Variants in GTF2A2 observed in about 807,000 individuals in gnomAD.
GTF2A2 encodes the protein general transcription factor IIA subunit 2.
In GTF2A2, 9 loss-of-function variants were observed where a neutral mutation model predicts 14.3. That is an observed-to-expected ratio of 0.63 (90% CI 0.38 to 1.10). The LOEUF is 1.10. Ranked by LOEUF, GTF2A2 falls within the 50% of genes least tolerant of loss-of-function variation. The pLI, the probability that GTF2A2 is intolerant of heterozygous loss-of-function variation, is 0.01. For synonymous variants in GTF2A2, 56 were observed against 46.0 expected, an observed-to-expected ratio of 1.22 and a Z score of -0.88; for missense variants, 90 against 124.6, an observed-to-expected ratio of 0.72 and a Z score of 1.32.
intron 1 of GTF2A2, among the ~76,000 whole-genome samples, chr15:59,655,389 G>T (rs529555891): frequency 6.6e-6 from 1 of 152,258 alleles, no homozygotes; most frequent in South Asian, 2.1e-4. Context: ...AAACAGGTTG[G>T]TGAAGGTCAT....
chr15:59,638,974 A>G lies in GTF2A2; in HGVS notation c.*158T>C. On this transcript the variant is annotated 3_prime_UTR_variant, in exon 5 of 5. Coordinates refer to ENST00000396060, the MANE Select transcript of GTF2A2 (RefSeq NM_004492.3). ...TGCTGTATAATAAAGGTGATGTAAGAGGCTACAGAGTTACAAGTTTCTTTC... is the reference window on the plus strand; with the variant it reads ...TGCTGTATAATAAAGGTGATGTAAGGGGCTACAGAGTTACAAGTTTCTTTC... 2 of 613,666 alleles carry G rather than the reference A, an allele frequency of 3.3e-6. No homozygotes were observed. Among genetic ancestry groups the G allele is most frequent in the Non-Finnish European group, 5.9e-6 (2 of 336,360 alleles). The allele number at this position is 613,666 out of a possible 1,614,324, so 38.0% of individuals were successfully genotyped here. A position where few individuals can be genotyped will look rare whatever the true frequency, so the allele number is the denominator to read the frequency against.
At chr15:59,656,595 A>G (rs1891950047) in intron 1 of GTF2A2, among the ~76,000 whole-genome samples, 2 of 152,312 alleles carry the variant, frequency 1.3e-5, no homozygotes, top group Middle Eastern at 3.4e-3. Flanking sequence ...CCAAAAAAAA[A>G]TCTGTTCAGT....
intron 3 of GTF2A2, among the ~76,000 whole-genome samples, chr15:59,644,922 A>G (rs1891552437): frequency 2.0e-5 from 3 of 152,202 alleles, no homozygotes; most frequent in Admixed American, 2.0e-4. Context: ...GTGATGACAT[A>G]ATGGGTTAGA....
chr15:59,651,326 T>G (rs1448419169), intron 2 of GTF2A2: 1 of 152,538 alleles, frequency 6.6e-6, no homozygotes, highest in African/African-American at 2.4e-5. Context: ...TACAGATGTG[T>G]GCCACCACAC....
At chr15:59,643,223 G>T (rs1415076209) in intron 3 of GTF2A2, among the ~76,000 whole-genome samples, 1 of 151,712 alleles carries the variant, frequency 6.6e-6, no homozygotes, top group Non-Finnish European at 1.5e-5. Flanking sequence ...GGGATTGCAG[G>T]TGTATGCCAC....
At position 59,638,883 on chromosome 15, in the gene GTF2A2, G is replaced by GT; in HGVS notation, c.*248dup. 2.5e-6 allele frequency: 1 copy of GT among 402,188 alleles called. No homozygotes were observed. Among genetic ancestry groups the GT allele is most frequent in the South Asian group, 3.4e-5 (1 of 29,338 alleles). The allele number at this position is 402,188 out of a possible 1,614,324, so 24.9% of individuals were successfully genotyped here. On this transcript the variant is annotated 3_prime_UTR_variant, in exon 5 of 5. Coordinates refer to ENST00000396060, the MANE Select transcript of GTF2A2 (RefSeq NM_004492.3). Reference sequence around the variant, plus strand: ...GTTATTACTCAGAGTTTTAAAATGAGTTTATTAAAGAAGGTTCTTAGGAAG... The same window carrying GT: ...GTTATTACTCAGAGTTTTAAAATGAGTTTTATTAAAGAAGGTTCTTAGGAAG...
intron 4 of GTF2A2, among the ~76,000 whole-genome samples, chr15:59,639,883 T>G (rs1346783466): frequency 2.0e-5 from 3 of 152,114 alleles, no homozygotes; most frequent in Non-Finnish European, 4.4e-5. Flanking sequence ...CCGCAGCAGC[T>G]GGGATTACAG....
intron 3 of GTF2A2, among the ~76,000 whole-genome samples, chr15:59,643,607 T>C (rs1712180953): frequency 6.7e-6 from 1 of 149,812 alleles, no homozygotes; most frequent in Non-Finnish European, 1.5e-5. Context: ...TTTTTTTTTT[T>C]TTTTTTTGGA....
At chr15:59,645,074 C>T (rs1370961322) in intron 3 of GTF2A2, among the ~76,000 whole-genome samples, 1 of 152,002 alleles carries the variant, frequency 6.6e-6, no homozygotes, top group Non-Finnish European at 1.5e-5. Flanking sequence ...TAAAGTAGGA[C>T]CGGTAGGAAT....
At chr15:59,644,259 T>TGA (rs1233409071) in intron 3 of GTF2A2, 1 of 152,144 alleles carries the variant, frequency 6.6e-6, no homozygotes, top group Non-Finnish European at 1.5e-5. Flanking sequence ...AATTAAAACC[T>TGA]GAGATATACA....
chr15:59,657,144 G>A (rs1250095344), intron 1 of GTF2A2: 1 of 152,212 alleles, frequency 6.6e-6, no homozygotes, highest in Non-Finnish European at 1.5e-5. Flanking sequence ...ATACGGTGGT[G>A]GGCTGAAGAC....
At chr15:59,654,402 A>C (rs10152415) in intron 1 of GTF2A2, among the ~76,000 whole-genome samples, 1 of 152,020 alleles carries the variant, frequency 6.6e-6, no homozygotes, top group African/African-American at 2.4e-5. Context: ...CTCTCATTTG[A>C]TTCAGATCTC....
intron 3 of GTF2A2, among the ~76,000 whole-genome samples, chr15:59,645,340 C>T (rs1290874974): frequency 6.6e-6 from 1 of 152,148 alleles, no homozygotes; most frequent in Non-Finnish European, 1.5e-5. Context: ...CGGACGCACG[C>T]TGTAACCCTA....
intron 3 of GTF2A2, among the ~76,000 whole-genome samples, chr15:59,645,607 C>A (rs1443191805): frequency 6.6e-6 from 1 of 152,132 alleles, no homozygotes; most frequent in African/African-American, 2.4e-5. Flanking sequence ...AATTGTAAGC[C>A]TATAAAATAT....
Position 59,642,222 on chromosome 15 carries a change from G to C in GTF2A2, c.218C>G (p.Thr73Ser). The C allele has an allele frequency of 6.2e-7, 1 of 1,610,566 alleles. No individual in the cohort carries two copies. The highest frequency in any genetic ancestry group is 8.5e-7 in the Non-Finnish European group (1 of 1,178,046). ...GAATTCAACATCATTCAGTACAAAAGTCCACACATTATCGCAGAATCTGTA... is the reference window on the plus strand; with the variant it reads ...GAATTCAACATCATTCAGTACAAAACTCCACACATTATCGCAGAATCTGTA... The part of the protein sequence containing the change: ...NTYRFCDNVW[T>S]FVLNDVEFRE... Residue 73 changes from threonine to serine, a missense_variant, in exon 4 of 5, where the codon ACT becomes AGT. Thr to Ser is a moderately conservative substitution (Grantham distance 58). Coordinates refer to ENST00000396060, the MANE Select transcript of GTF2A2 (RefSeq NM_004492.3).
Position 59,642,231 on chromosome 15 carries a change from T to C in GTF2A2, c.209A>G (p.Asn70Ser), listed in dbSNP as rs1396489942. Residue 70 changes from asparagine (N) to serine (S), a missense_variant, in exon 4 of 5, where the codon AAT becomes AGT. Coordinates refer to ENST00000396060, the MANE Select transcript of GTF2A2 (RefSeq NM_004492.3). Reference sequence around the variant, plus strand: ...ATCATTCAGTACAAAAGTCCACACATTATCGCAGAATCTGTACGTATTTAG... The same window carrying C: ...ATCATTCAGTACAAAAGTCCACACACTATCGCAGAATCTGTACGTATTTAG... ...GSLNTYRFCD[N>S]VWTFVLNDVE... The C allele has an allele frequency of 6.2e-7, 1 of 1,610,550 alleles. No individual in the cohort carries two copies. Among genetic ancestry groups the C allele is most frequent in the Non-Finnish European group, 8.5e-7 (1 of 1,178,370 alleles).
At chr15:59,656,312 TTCAAGTCTTTGC>T (rs1432993396) in intron 1 of GTF2A2, among the ~76,000 whole-genome samples, 1 of 152,196 alleles carries the variant, frequency 6.6e-6, no homozygotes, top group South Asian at 2.1e-4. Context: ...TCTTAATTCC[TTCAAGTCTTTGC>T]TCAAATAACA....
chr15:59,645,004 G>T (rs570514003), intron 3 of GTF2A2, among the ~76,000 whole-genome samples: 3 of 152,290 alleles, frequency 2.0e-5, no homozygotes, highest in Admixed American at 2.0e-4. Flanking sequence ...TCAGAGAGGT[G>T]AAAGTGGCTT....
At chr15:59,639,221 CTATTTTAAG>C (rs1210046468) in intron 4 of GTF2A2, 64 bp from the exon 5 acceptor site, 3 of 992,158 alleles carry the variant, frequency 3.0e-6, no homozygotes, top group Admixed American at 1.7e-5. Context: ...TTACAATTAA[CTATTTTAAG>C]ACTATCAAAA....
Sources: gnomAD v4.1 joint callset for allele counts (sites outside exome capture counted in the v4.1 genomes callset) on GRCh38, gnomAD v4.1.1 for gene constraint, MANE v1.5 for transcripts, NCBI Gene and HGNC (gene_info 2026-07-23, HGNC 2026-07-21) for gene names.